KCNMA1: variants seen among roughly 807,000 people sequenced by gnomAD.
KCNMA1 encodes the protein Calcium-activated potassium channel subunit alpha-1.
In KCNMA1, 29 loss-of-function variants were observed where a neutral mutation model predicts 140.0. That is an observed-to-expected ratio of 0.21 (90% CI 0.15 to 0.28). The LOEUF (loss-of-function observed/expected upper bound fraction) is 0.28. KCNMA1 is among the 10% of genes least tolerant of loss of function. KCNMA1 has a pLI of 1.00. For synonymous variants in KCNMA1, 612 were observed against 611.9 expected, an observed-to-expected ratio of 1.00 and a Z score of 0.00; for missense variants, 880 against 1,602.2, an observed-to-expected ratio of 0.55 and a Z score of 7.70.
At chr10:77,278,631 T>G (rs1210101655) in intron 2 of KCNMA1, among the ~76,000 whole-genome samples, 1 of 152,148 alleles carries the variant, frequency 6.6e-6, no homozygotes, top group East Asian at 1.9e-4. Context: ...ACAAAAAATA[T>G]TTTCTCTGCC....
intron 2 of KCNMA1, among the ~76,000 whole-genome samples, chr10:77,315,090 C>T (rs1379119830): frequency 6.6e-6 from 1 of 152,132 alleles, no homozygotes; most frequent in Admixed American, 6.5e-5. Context: ...ACTGATGGAC[C>T]ATGACCCACA....
chr10:77,284,364 T>G (rs2069892544), intron 2 of KCNMA1, among the ~76,000 whole-genome samples: 1 of 152,104 alleles, frequency 6.6e-6, no homozygotes, highest in South Asian at 2.1e-4. Context: ...GACAGCCTAT[T>G]GATAATTTAA....
intron 1 of KCNMA1, among the ~76,000 whole-genome samples, chr10:77,613,447 T>C (rs1230544930): frequency 2.0e-5 from 3 of 152,156 alleles, no homozygotes. Flanking sequence ...TCAGACCACA[T>C]GGGCAACAAG....
intron 15 of KCNMA1, among the ~76,000 whole-genome samples, chr10:77,032,238 T>G (rs1439891791): frequency 6.6e-6 from 1 of 152,202 alleles, no homozygotes; most frequent in Non-Finnish European, 1.5e-5. Context: ...TACCCAGAAC[T>G]GATGTTCTCT....
In KCNMA1 at chr10:76,988,303, CAG is replaced by C. The variant is rs1157001118; in HGVS notation, c.2266+13102_2266+13103del. 2.6e-5 allele frequency among the ~76,000 whole-genome samples: 4 copies of C among 152,108 alleles called. No individual in the cohort carries two copies. The South Asian group carries it at 6.2e-4, about 24-fold the overall frequency. ...AATTAATTACAAAATCAACAAGAAA[CAG>C]AGCCCAGCTACTCATAAAGCAAGGT... On this transcript the variant is annotated intron_variant, in intron 19 of 27. Transcript: ENST00000286628.
At chr10:76,910,333 C>T in intron 24 of KCNMA1, 1 of 490,410 alleles carries the variant, frequency 2.0e-6, no homozygotes, top group Non-Finnish European at 3.8e-6. Flanking sequence ...AGGCTTGCTC[C>T]ACGGCAGGCC....
downstream of KCNMA1, chr10:76,872,708 A>T (rs563037255): frequency 1.3e-5 from 2 of 152,154 alleles, no homozygotes; most frequent in East Asian, 3.9e-4. Flanking sequence ...CAGTCCTGTC[A>T]CCCATTTACT....
At chr10:77,072,681 G>A (rs1309618839) in intron 14 of KCNMA1, among the ~76,000 whole-genome samples, 2 of 152,150 alleles carry the variant, frequency 1.3e-5, no homozygotes, top group African/African-American at 4.8e-5. Context: ...TTGGGCTTCA[G>A]CACAAACACA....
chr10:77,324,969 CTCTGTG>C lies in KCNMA1; in HGVS notation c.541-73719_541-73714del, dbSNP rs1335894695. Among the ~76,000 whole-genome samples, 132 of 95,132 alleles carry C rather than the reference CTCTGTG, an allele frequency of 1.4e-3. 1 individual carries two copies. In the East Asian group the frequency reaches 0.02, roughly 14 times the overall value. The allele number at this position is 95,132 out of a possible 152,430, so 62.4% of individuals were successfully genotyped here. On this transcript the variant is annotated intron_variant, in intron 2 of 27. Coordinates refer to ENST00000286628, the MANE Select transcript of KCNMA1 (RefSeq NM_001161352.2). ...TCTCTCTCTCTCTCTCTCTCTCTCT[CTCTGTG>C]TGTGTGTGTGTGTGTGTGTGTGTGT...
At chr10:77,038,589 G>A (rs1365185644) in intron 15 of KCNMA1, among the ~76,000 whole-genome samples, 1 of 152,102 alleles carries the variant, frequency 6.6e-6, no homozygotes, top group Non-Finnish European at 1.5e-5. Context: ...ATCCAGGCTG[G>A]AATGCAGTTG....
At chr10:77,574,468 T>C (rs374524913) in intron 1 of KCNMA1, among the ~76,000 whole-genome samples, 1 of 152,196 alleles carries the variant, frequency 6.6e-6, no homozygotes, top group African/African-American at 2.4e-5. Flanking sequence ...GATTGTTTTT[T>C]CTGGTGTTAC....
intron 1 of KCNMA1, among the ~76,000 whole-genome samples, chr10:77,579,067 C>T (rs935516568): frequency 6.6e-6 from 1 of 152,138 alleles, no homozygotes; most frequent in African/African-American, 2.4e-5. Context: ...CTAAACCAAA[C>T]AGGATGAAAG....
chr10:76,912,498 G>A (rs1014982990), intron 24 of KCNMA1: 1 of 152,284 alleles, frequency 6.6e-6, no homozygotes, highest in African/African-American at 2.4e-5. Context: ...TCTGAGGAGG[G>A]TGGTATAGTG....
chr10:77,088,437 T>A (rs1299192360), intron 10 of KCNMA1, among the ~76,000 whole-genome samples: 4 of 151,696 alleles, frequency 2.6e-5, no homozygotes, highest in Admixed American at 2.6e-4. Flanking sequence ...GTTTTTGTTT[T>A]GTTTTGTTTT....
rs138786532 is a variant in KCNMA1, at chr10:77,242,021, C to T, written c.602+9174G>A. On this transcript the variant is annotated intron_variant, in intron 3 of 27. Transcript: ENST00000286628. ...GCCAACAACCATGCCCACACTGTGG[C>T]CTGTTTGCGAGCAGCACAAGCTCAT... Among the ~76,000 whole-genome samples, 622 of 152,208 alleles carry T rather than the reference C, an allele frequency of 4.1e-3. 9 individuals carry two copies. The highest frequency in any genetic ancestry group is 0.012 in the Admixed American group (191 of 15,294).
At chr10:77,378,588 T>C (rs1169866493) in intron 2 of KCNMA1, among the ~76,000 whole-genome samples, 1 of 152,192 alleles carries the variant, frequency 6.6e-6, no homozygotes, top group Non-Finnish European at 1.5e-5. Flanking sequence ...CTACAGCCAC[T>C]AGCAACTTGC....
chr10:77,631,105 CCAAAA>C (rs1164498286), intron 1 of KCNMA1, among the ~76,000 whole-genome samples: 14 of 90,118 alleles, frequency 1.6e-4, no homozygotes, highest in African/African-American at 5.0e-4. Flanking sequence ...AGACCCTGTC[CCAAAA>C]AAAAAAAAAA....
At chr10:77,022,652 G>T (rs2092992203) in intron 16 of KCNMA1, among the ~76,000 whole-genome samples, 1 of 152,146 alleles carries the variant, frequency 6.6e-6, no homozygotes, top group Non-Finnish European at 1.5e-5. Flanking sequence ...GGAGTAGCAG[G>T]CTTAGAGCCT....
intron 19 of KCNMA1, among the ~76,000 whole-genome samples, chr10:76,997,203 A>G (rs2084664976): frequency 6.6e-6 from 1 of 152,302 alleles, no homozygotes; most frequent in South Asian, 2.1e-4. Flanking sequence ...TCTCCCTTCA[A>G]CCTAATCATA....
Sources: gnomAD v4.1 joint callset for allele counts (sites outside exome capture counted in the v4.1 genomes callset) on GRCh38, gnomAD v4.1.1 for gene constraint, MANE v1.5 for transcripts, NCBI Gene and HGNC (gene_info 2026-07-23, HGNC 2026-07-21) for gene names.